Variants in PDGFRB observed in about 807,000 individuals in gnomAD.
PDGFRB encodes platelet-derived growth factor receptor beta.
Under a neutral mutation model 120.2 loss-of-function variants are expected in PDGFRB, and 42 were observed. That is an observed-to-expected ratio of 0.35 (90% CI 0.27 to 0.45). The LOEUF is 0.45. PDGFRB is among the 20% of genes least tolerant of loss of function. PDGFRB has a pLI of 1.00. For missense variants in PDGFRB, 1,149 were observed against 1,476.3 expected, an observed-to-expected ratio of 0.78 and a Z score of 3.63; for synonymous variants, 586 against 606.8, an observed-to-expected ratio of 0.97 and a Z score of 0.50.
Position 150,127,244 on chromosome 5 carries a change from T to C in PDGFRB, c.1580-630A>G, listed in dbSNP as rs79878580. On this transcript the variant is annotated intron_variant, in intron 10 of 22. Coordinates refer to ENST00000261799, the MANE Select transcript of PDGFRB (RefSeq NM_002609.4). ...CACTGGCCCTTACAAGCCTCGAGTC[T>C]CCTCCACCCTCAAGGCCTCAGCCTC... Among the ~76,000 whole-genome samples, 1,316 of 152,154 alleles carry C rather than the reference T, an allele frequency of 8.6e-3. 46 individuals carry two copies. The highest frequency in any genetic ancestry group is 0.059 in the South Asian group (283 of 4,814).
chr5:150,136,874 G>A lies in PDGFRB; in HGVS notation c.40+134C>T, dbSNP rs538509259. ...CTCCACAGAGCCCACTGGAAATCCT[G>A]AAAACTAAAGCTGAAGGGCAGGGCA... is the stretch of plus-strand genomic sequence containing the variant. On this transcript the variant is annotated intron_variant, in intron 2 of 22. Coordinates refer to ENST00000261799, the MANE Select transcript of PDGFRB (RefSeq NM_002609.4). 269 of 705,404 alleles carry A rather than the reference G, an allele frequency of 3.8e-4. 5 individuals carry two copies. The South Asian group carries it at 4.0e-3, about 11-fold the overall frequency. The allele number at this position is 705,404 out of a possible 1,614,324, so 43.7% of individuals were successfully genotyped here. A position where few individuals can be genotyped will look rare whatever the true frequency, so the allele number is the denominator to read the frequency against.
Position 150,132,102 on chromosome 5 carries a change from G to A in PDGFRB, c.1128-8C>T. ...GTCAGCTCTGACACATACCTGGGGA[G>A]CAGGAAAGGCAGCTGTCAGAGTCGG... On this transcript the variant is annotated splice_region_variant and splice_polypyrimidine_tract_variant and intron_variant, in intron 7 of 22. Coordinates refer to ENST00000261799, the MANE Select transcript of PDGFRB (RefSeq NM_002609.4). This position sits in a 1 kb window ranked among gnomAD's most constrained non-coding sequence, Gnocchi z 5.0. The A allele has an allele frequency of 6.8e-7, 1 of 1,463,042 alleles. No homozygotes were observed. Among genetic ancestry groups the A allele is most frequent in the Non-Finnish European group, 9.6e-7 (1 of 1,042,696 alleles). The allele number at this position is 1,463,042 out of a possible 1,614,324, so 90.6% of individuals were successfully genotyped here.
At chr5:150,119,972 A>G (rs1264036064) in intron 19 of PDGFRB, 40 bp downstream of exon 19, 2 of 1,012,446 alleles carry the variant, frequency 2.0e-6, no homozygotes, top group Non-Finnish European at 3.2e-6. Context: ...GGTAGACACC[A>G]GGCCAGGATG....
At chr5:150,139,645 T>A in intron 1 of PDGFRB, among the ~76,000 whole-genome samples, 1 of 152,092 alleles carries the variant, frequency 6.6e-6, no homozygotes, top group East Asian at 1.9e-4. Context: ...TTTGACAAGT[T>A]GTTTCCCTCT....
chr5:150,115,807 C>T lies in PDGFRB; in HGVS notation c.3277G>A (p.Gly1093Arg), dbSNP rs1393883722. ...GCTTCCGCCCGAGGCGCAGGGCACC[C>T]CGAATCCGGCAACTGTTCCAGCTCT... ...EPELEQLPDS[G>R]CPAPRAEAED... Residue 1093 changes from glycine (G) to arginine (R), a missense_variant, in exon 23 of 23, where the codon GGG becomes AGG. Coordinates refer to ENST00000261799, the MANE Select transcript of PDGFRB (RefSeq NM_002609.4). The T allele has an allele frequency of 2.5e-6, 4 of 1,612,446 alleles. No individual in the cohort carries two copies. The highest frequency in any genetic ancestry group is 3.4e-6 in the Non-Finnish European group (4 of 1,179,328).
intron 1 of PDGFRB, among the ~76,000 whole-genome samples, chr5:150,154,507 A>C (rs1266649492): frequency 6.6e-6 from 1 of 152,238 alleles, no homozygotes; most frequent in Non-Finnish European, 1.5e-5. Flanking sequence ...CACTCAGCAC[A>C]GTTGCGGCGT....
chr5:150,150,384 G>T (rs1408906785), intron 1 of PDGFRB, among the ~76,000 whole-genome samples: 2 of 152,110 alleles, frequency 1.3e-5, no homozygotes, highest in African/African-American at 2.4e-5. Flanking sequence ...TGACATTCAG[G>T]AACTTTCAGA....
chr5:150,132,232 A>T lies in PDGFRB; in HGVS notation c.1128-138T>A, dbSNP rs1760486901. 6.5e-6 allele frequency: 4 copies of T among 611,508 alleles called. No homozygotes were observed. In the East Asian group the frequency reaches 8.5e-5, roughly 13 times the overall value. 37.9% of individuals were successfully genotyped at this position (611,508 alleles called of 1,614,324 possible). ...TCTCGGCATTGGTAGCAGAGCCGGG[A>T]CTCAAACCAGGTCTCGTAAATCCTC... On this transcript the variant is annotated intron_variant, in intron 7 of 22. Coordinates refer to ENST00000261799, the MANE Select transcript of PDGFRB (RefSeq NM_002609.4). The surrounding 1 kb of genome is among the most constrained non-coding windows in gnomAD (Gnocchi z 5.0).
intron 1 of PDGFRB, among the ~76,000 whole-genome samples, chr5:150,143,981 T>A (rs1378610640): frequency 6.6e-6 from 1 of 152,044 alleles, no homozygotes; most frequent in African/African-American, 2.4e-5. Flanking sequence ...GGGGTCCTCT[T>A]TATGTTTCTC....
At chr5:150,131,615 A>G (rs531477483) in intron 8 of PDGFRB, among the ~76,000 whole-genome samples, 1 of 152,340 alleles carries the variant, frequency 6.6e-6, no homozygotes, top group Non-Finnish European at 1.5e-5. Flanking sequence ...AGCTGCACAA[A>G]GGCAGGGAGG....
chr5:150,148,487 G>A (rs1269475960), intron 1 of PDGFRB, among the ~76,000 whole-genome samples: 1 of 152,256 alleles, frequency 6.6e-6, no homozygotes, highest in Admixed American at 6.5e-5. Context: ...AGATGAGCTG[G>A]TGAGGGCAGA....
In PDGFRB at chr5:150,115,105, A is replaced by AAG; in HGVS notation, c.*657_*658insCT. The AAG allele has an allele frequency of 4.3e-6, 1 of 233,096 alleles. No homozygotes were observed. 14.4% of individuals were successfully genotyped at this position (233,096 alleles called of 1,614,324 possible). ...TCCAAGTGCCCTGGGCAAGGGCTGC[A>AAG]GGCTGGGGGTGTCCTGTACTTGGCT... is the stretch of plus-strand genomic sequence containing the variant. On this transcript the variant is annotated 3_prime_UTR_variant, in exon 23 of 23. Coordinates refer to ENST00000261799, the MANE Select transcript of PDGFRB (RefSeq NM_002609.4).
At chr5:150,140,045 G>A (rs921103313) in intron 1 of PDGFRB, among the ~76,000 whole-genome samples, 6 of 152,084 alleles carry the variant, frequency 3.9e-5, no homozygotes, top group Non-Finnish European at 7.3e-5. Context: ...CGCTGGTGAC[G>A]TGGAACCCCA....
At chr5:150,146,108 C>G (rs1760914347) in intron 1 of PDGFRB, among the ~76,000 whole-genome samples, 2 of 152,184 alleles carry the variant, frequency 1.3e-5, no homozygotes, top group Non-Finnish European at 2.9e-5. Context: ...TGACAGGGCT[C>G]TCACCACCTC....
intron 20 of PDGFRB, 40 bp from the exon 21 acceptor site, chr5:150,118,892 T>C: frequency 7.8e-7 from 1 of 1,281,678 alleles, no homozygotes; most frequent in African/African-American, 1.5e-5. Flanking sequence ...TGGCCCAGGG[T>C]TCAGGGGACA....
Position 150,130,185 on chromosome 5 carries a change from CCACGGGGTCA to C in PDGFRB, c.1368-227_1368-218del, listed in dbSNP as rs572601201. Among the ~76,000 whole-genome samples, 417 of 152,310 alleles carry C rather than the reference CCACGGGGTCA, an allele frequency of 2.7e-3. 1 individual carries two copies. Among genetic ancestry groups the C allele is most frequent in the Non-Finnish European group, 5.0e-3 (342 of 68,032 alleles). ...ATTGCAAAATCCATTCTTATTTGACCCACGGGGTCACACGGCGTATGGGGTAGAGGCAGAA... is the reference window on the plus strand; with the variant it reads ...ATTGCAAAATCCATTCTTATTTGACCCACGGCGTATGGGGTAGAGGCAGAA... On this transcript the variant is annotated intron_variant, in intron 9 of 22. Transcript: ENST00000261799.
chr5:150,135,840 G>A lies in PDGFRB; in HGVS notation c.79C>T (p.Pro27Ser), dbSNP rs758514857. The A allele has an allele frequency of 9.7e-6, 15 of 1,542,306 alleles. No homozygotes were observed. Among genetic ancestry groups the A allele is most frequent in the Non-Finnish European group, 1.3e-5 (15 of 1,145,998 alleles). ...LLLSLLLLLE[P>S]QISQGLVVTP... Reference sequence around the variant, plus strand: ...ACGACCAGGCCCTGAGAGATCTGTGGTTCCAGAAGTAACAGGAGAGACAGC... The same window carrying A: ...ACGACCAGGCCCTGAGAGATCTGTGATTCCAGAAGTAACAGGAGAGACAGC... Residue 27 changes from proline to serine, a missense_variant, in exon 3 of 23, where the codon CCA (proline) becomes TCA (serine). Physicochemically the swap from Pro to Ser is moderately conservative, Grantham distance 74. Transcript: ENST00000261799.
In PDGFRB at chr5:150,132,456, C is replaced by T. The variant is rs1434596312; in HGVS notation, c.1127+294G>A. ...CAGGCCATGAGTGGCCTGCCTGGCACCCTCTTCCCCAGTCATCTGCCCGTT... is the reference window on the plus strand; with the variant it reads ...CAGGCCATGAGTGGCCTGCCTGGCATCCTCTTCCCCAGTCATCTGCCCGTT... On this transcript the variant is annotated intron_variant, in intron 7 of 22. Coordinates refer to ENST00000261799, the MANE Select transcript of PDGFRB (RefSeq NM_002609.4). This position sits in a 1 kb window ranked among gnomAD's most constrained non-coding sequence, Gnocchi z 5.0. Among the ~76,000 whole-genome samples, 1 of 152,234 alleles carries T rather than the reference C, an allele frequency of 6.6e-6. No homozygotes were observed. The highest frequency in any genetic ancestry group is 6.5e-5 in the Admixed American group (1 of 15,282).
In PDGFRB at chr5:150,120,465, C is replaced by T. The variant is rs1411594148; in HGVS notation, c.2587-342G>A. Among the ~76,000 whole-genome samples, 2 of 152,200 alleles carry T rather than the reference C, an allele frequency of 1.3e-5. No individual in the cohort carries two copies. Among genetic ancestry groups the T allele is most frequent in the Admixed American group, 6.5e-5 (1 of 15,274 alleles). ...CCTTTGATCTCTGGGCCTAGCGTCC[C>T]TCCATCTGGGGTTTGCGGAAAAGTG... On this transcript the variant is annotated intron_variant, in intron 18 of 22. Coordinates refer to ENST00000261799, the MANE Select transcript of PDGFRB (RefSeq NM_002609.4). This position sits in a 1 kb window ranked among gnomAD's most constrained non-coding sequence, Gnocchi z 4.3.
Sources: allele counts gnomAD v4.1 joint callset (sites outside exome capture counted in the v4.1 genomes callset), GRCh38; gene constraint gnomAD v4.1.1; non-coding constraint Gnocchi (gnomAD v3.1); transcripts MANE v1.5; gene names NCBI Gene and HGNC (gene_info 2026-07-23, HGNC 2026-07-21).